Variants in MMEL1 observed in about 807,000 individuals in gnomAD.
The protein encoded by MMEL1 is membrane metallo-endopeptidase-like 1.
A neutral mutation model predicts 117.1 loss-of-function variants in MMEL1; 98 were observed. The observed-to-expected ratio is 0.84, with a 90% CI of 0.71 to 0.99. The LOEUF is 0.99. MMEL1 is among the 50% of genes least tolerant of loss of function. The pLI is 0.00. For missense variants in MMEL1, 1,014 were observed against 1,049.1 expected, an observed-to-expected ratio of 0.97 and a Z score of 0.46; for synonymous variants, 390 against 415.1, an observed-to-expected ratio of 0.94 and a Z score of 0.74.
intron 4 of MMEL1, among the ~76,000 whole-genome samples, 183 bp from the exon 5 acceptor site, chr1:2,610,014 C>A (rs1282524454): frequency 1.3e-5 from 2 of 152,144 alleles, no homozygotes; most frequent in Non-Finnish European, 2.9e-5. Context: ...AGAGGGAATC[C>A]CCCAACCTGG....
chr1:2,603,453 C>T (rs1434111085), intron 11 of MMEL1, among the ~76,000 whole-genome samples: 1 of 152,168 alleles, frequency 6.6e-6, no homozygotes, highest in East Asian at 1.9e-4. Context: ...CAGGGGAGCG[C>T]CTGAGGGTGT....
At chr1:2,631,135 C>T (rs1186755347) in intron 1 of MMEL1, among the ~76,000 whole-genome samples, 2 of 152,200 alleles carry the variant, frequency 1.3e-5, no homozygotes, top group African/African-American at 2.4e-5. Context: ...GCACATCCCT[C>T]GCTGGCACTC....
intron 2 of MMEL1, among the ~76,000 whole-genome samples, chr1:2,613,511 C>T (rs1209729428): frequency 2.0e-5 from 3 of 152,084 alleles, no homozygotes; most frequent in Non-Finnish European, 2.9e-5. Context: ...TGGCCCCCAC[C>T]CTAGCCAGGA....
chr1:2,605,712 C>A, intron 8 of MMEL1, 89 bp from the exon 9 acceptor site: 1 of 988,492 alleles, frequency 1.0e-6, no homozygotes, highest in Admixed American at 2.1e-5. Context: ...CCCCACAGGA[C>A]TGTGCCCCGT....
In MMEL1 at chr1:2,598,832, A is replaced by G. The variant is rs1187950338; in HGVS notation, c.1042-42T>C. Reference sequence around the variant, plus strand: ...TGGGGAGAAAGAGGGAGAGAGAGAGAGGGAGAAACAGTTCCTGGGAATCTA... The same window carrying G: ...TGGGGAGAAAGAGGGAGAGAGAGAGGGGGAGAAACAGTTCCTGGGAATCTA... On this transcript the variant is annotated intron_variant, in intron 11 of 23. Transcript: ENST00000378412. 9.2e-6 allele frequency: 14 copies of G among 1,526,404 alleles called. No homozygotes were observed. In the East Asian group the frequency reaches 1.8e-4, roughly 20 times the overall value. The allele number at this position is 1,526,404 out of a possible 1,614,324, so 94.6% of individuals were successfully genotyped here.
intron 13 of MMEL1, among the ~76,000 whole-genome samples, chr1:2,597,571 G>A (rs1469915308): frequency 1.3e-5 from 2 of 152,020 alleles, no homozygotes; most frequent in Admixed American, 6.6e-5. Context: ...TGACCACATC[G>A]GCCTCCATGC....
intron 13 of MMEL1, among the ~76,000 whole-genome samples, 196 bp downstream of exon 13, chr1:2,598,011 T>G (rs1369741031): frequency 6.6e-6 from 1 of 152,246 alleles, no homozygotes; most frequent in Admixed American, 6.5e-5. Flanking sequence ...CACATCATAC[T>G]CTGCGGTTTT....
chr1:2,609,807 T>C lies in MMEL1; in HGVS notation c.317A>G (p.Asp106Gly). ...GTCGTCACACGGTTCCGTGGTCGGGTCCATGTTCTGGAGGATCCTGGCAGC... is the reference window on the plus strand; with the variant it reads ...GTCGTCACACGGTTCCGTGGTCGGGCCCATGTTCTGGAGGATCCTGGCAGC... ...IAAARILQNM[D>G]PTTEPCDDFY... Residue 106 changes from aspartate to glycine, a missense_variant, in exon 5 of 24, where the codon GAC becomes GGC. By Grantham distance (94) the Asp-to-Gly change is moderately conservative. Coordinates refer to ENST00000378412, the MANE Select transcript of MMEL1 (RefSeq NM_033467.4). 6 of 1,611,970 alleles carry C rather than the reference T, an allele frequency of 3.7e-6. No individual in the cohort carries two copies. Among genetic ancestry groups the C allele is most frequent in the Non-Finnish European group, 5.1e-6 (6 of 1,179,054 alleles).
chr1:2,610,827 A>G (rs1175555867), intron 4 of MMEL1, among the ~76,000 whole-genome samples: 2 of 152,206 alleles, frequency 1.3e-5, no homozygotes, highest in South Asian at 2.1e-4. Context: ...CAGGCCCCCC[A>G]GCCCCCAGCA....
chr1:2,627,950 C>A (rs1220231176), intron 2 of MMEL1, among the ~76,000 whole-genome samples: 1 of 152,194 alleles, frequency 6.6e-6, no homozygotes, highest in Non-Finnish European at 1.5e-5. Context: ...ACTCCCGAGG[C>A]ACCTGGCTGG....
intron 4 of MMEL1, 121 bp downstream of exon 4, chr1:2,611,160 G>T (rs1645119238): frequency 3.0e-6 from 3 of 1,006,904 alleles, no homozygotes; most frequent in African/African-American, 1.7e-5. Context: ...GGCCCACCCG[G>T]CTCCACCGCC....
At chr1:2,611,257 G>T in intron 4 of MMEL1, 24 bp downstream of exon 4, 1 of 1,568,336 alleles carries the variant, frequency 6.4e-7, no homozygotes. Flanking sequence ...GGCAGGCTGT[G>T]GACGGCAAGG....
chr1:2,630,662 T>C (rs944282523), intron 1 of MMEL1, among the ~76,000 whole-genome samples: 1 of 151,334 alleles, frequency 6.6e-6, no homozygotes, highest in African/African-American at 2.4e-5. Context: ...TGCATGATTA[T>C]GTGTGCGGAT....
At position 2,607,001 on chromosome 1, in the gene MMEL1, C is replaced by A; in HGVS notation, c.604G>T (p.Ala202Ser). 6.2e-7 allele frequency: 1 copy of A among 1,613,388 alleles called. No homozygotes were observed. Among genetic ancestry groups the A allele is most frequent in the Non-Finnish European group, 8.5e-7 (1 of 1,179,976 alleles). ...ILEVVGGWPV[A>S]MDRWNETVGL... is the part of the protein sequence containing the mutation. The stretch of plus-strand genomic sequence containing the variant: ...ACGGTCTCGTTCCACCTGTCCATCG[C>A]CACCGGCCAGCCTCCCACCACCTCC... Residue 202 changes from alanine (A) to serine (S), a missense_variant, in exon 7 of 24, where the codon GCG becomes TCG. Coordinates refer to ENST00000378412, the MANE Select transcript of MMEL1 (RefSeq NM_033467.4).
intron 2 of MMEL1, among the ~76,000 whole-genome samples, chr1:2,617,158 T>C (rs1365726930): frequency 6.6e-6 from 1 of 151,694 alleles, no homozygotes; most frequent in East Asian, 2.0e-4. Flanking sequence ...CCAGGCGCGG[T>C]GGCTCACGCC....
At chr1:2,604,122 T>TAGCCC in intron 10 of MMEL1, 25 bp downstream of exon 10, 1 of 1,357,432 alleles carries the variant, frequency 7.4e-7, no homozygotes, top group Non-Finnish European at 1.0e-6. Flanking sequence ...CGCTGCCCGC[T>TAGCCC]CCCCACCCGC....
At position 2,609,817 on chromosome 1, in the gene MMEL1, G is replaced by C. The variant is rs1209505093; in HGVS notation, c.307C>G (p.Gln103Glu). The change falls in exon 5 of 24, where the codon CAG (glutamine) becomes GAG (glutamate). Residue 103 changes from glutamine (Q) to glutamate (E), a missense_variant. Gln to Glu is a conservative substitution (Grantham distance 29). Transcript: ENST00000378412. ...GGTTCCGTGGTCGGGTCCATGTTCT[G>C]GAGGATCCTGGCAGCTGCTCGTCCC... ...GCVIAAARILQNMDPTTEPCD... is the reference protein window; with the variant it reads ...GCVIAAARILENMDPTTEPCD... 1 of 1,609,518 alleles carries C rather than the reference G, an allele frequency of 6.2e-7. No individual in the cohort carries two copies.
At chr1:2,631,709 T>C (rs528657598) in intron 1 of MMEL1, among the ~76,000 whole-genome samples, 2 of 152,262 alleles carry the variant, frequency 1.3e-5, no homozygotes, top group African/African-American at 4.8e-5. Context: ...CCCTCTGCTG[T>C]GCCCCTAGAC....
chr1:2,629,599 G>A (rs1638449230), intron 1 of MMEL1, 78 bp from the exon 2 acceptor site: 1 of 1,301,514 alleles, frequency 7.7e-7, no homozygotes, highest in African/African-American at 1.6e-5. Flanking sequence ...AGGGCCGGAT[G>A]CTGGCTGGGA....
Sources: allele counts gnomAD v4.1 joint callset (sites outside exome capture counted in the v4.1 genomes callset), GRCh38; gene constraint gnomAD v4.1.1; transcripts MANE v1.5; gene names NCBI Gene and HGNC (gene_info 2026-07-23, HGNC 2026-07-21).